Variants in PHACTR1 observed in about 807,000 individuals in gnomAD.
PHACTR1 encodes phosphatase and actin regulator 1, also known as RPEL repeat containing 1.
Under a neutral mutation model 69.2 loss-of-function variants are expected in PHACTR1, and 16 were observed. The observed-to-expected ratio is 0.23, with a 90% CI of 0.16 to 0.35. The LOEUF is 0.35. Among genes scored for constraint, PHACTR1 ranks in the 10% least tolerant of loss-of-function variants. The probability of loss-of-function intolerance (pLI) is 1.00; values close to 1 mark genes in which losing one functional copy is unlikely to be tolerated. For synonymous variants in PHACTR1, 312 were observed against 284.5 expected (o/e 1.10, Z -0.97); for missense variants, 510 against 734.7 (o/e 0.69, Z 3.54).
At chr6:13,206,342 A>G (rs1359089898) in intron 8 of PHACTR1, among the ~76,000 whole-genome samples, 1 of 152,224 alleles carries the variant, frequency 6.6e-6, no homozygotes, top group Non-Finnish European at 1.5e-5. Context: ...GAATAATCAC[A>G]TTTATCGGAA....
chr6:13,113,894 G>A (rs1817419706), intron 5 of PHACTR1, among the ~76,000 whole-genome samples: 1 of 152,172 alleles, frequency 6.6e-6, no homozygotes. Context: ...TGAAAGTATT[G>A]AGCAAGGTAA....
chr6:12,900,044 A>C (rs72837407), intron 4 of PHACTR1, among the ~76,000 whole-genome samples: 1 of 152,336 alleles, frequency 6.6e-6, no homozygotes, highest in Non-Finnish European at 1.5e-5. Context: ...CACATTGGCC[A>C]GATTTAGCAA....
At chr6:12,881,251 C>T (rs1171970085) in intron 4 of PHACTR1, among the ~76,000 whole-genome samples, 4 of 151,996 alleles carry the variant, frequency 2.6e-5, no homozygotes, top group East Asian at 1.9e-4. Flanking sequence ...AGGAAGAGGG[C>T]GATGCTGTAT....
In PHACTR1 at chr6:12,749,857, C is replaced by T. The variant is rs1023348916; in HGVS notation, c.250+67C>T. On this transcript the variant is annotated intron_variant, in intron 4 of 14. Transcript: ENST00000332995. Reference sequence around the variant, plus strand: ...TCCCTCCCTCCCCGGCTGTTGAGCCCCCGCCCCTCCCGGGCGTCCTCCCCG... The same window carrying T: ...TCCCTCCCTCCCCGGCTGTTGAGCCTCCGCCCCTCCCGGGCGTCCTCCCCG... The T allele has an allele frequency of 7.9e-6, 11 of 1,400,296 alleles. No individual in the cohort carries two copies. In the African/African-American group the frequency reaches 1.3e-4, roughly 17 times the overall value. 86.7% of individuals were successfully genotyped at this position (1,400,296 alleles called of 1,614,324 possible).
At position 12,872,680 on chromosome 6, in the gene PHACTR1, A is replaced by G. The variant is rs1284011432; in HGVS notation, c.250+122890A>G. Among the ~76,000 whole-genome samples the G allele has an allele frequency of 2.0e-5, 3 of 152,234 alleles. No homozygotes were observed. In the East Asian group the frequency reaches 5.8e-4, roughly 29 times the overall value. On this transcript the variant is annotated intron_variant, in intron 4 of 14. Coordinates refer to ENST00000332995, the MANE Select transcript of PHACTR1 (RefSeq NM_030948.6). ...TTTCAGTCCTGTAGTTTGTAGTTCA[A>G]CTTCTTTCCCCCATGACATCAAATG... is the stretch of plus-strand genomic sequence containing the variant.
chr6:12,802,117 T>A (rs1040934750), intron 4 of PHACTR1, among the ~76,000 whole-genome samples: 2 of 140,340 alleles, frequency 1.4e-5, no homozygotes, highest in Middle Eastern at 7.1e-3. Context: ...ATATAATAAA[T>A]GTACTTTATT....
Position 13,205,921 on chromosome 6 carries a change from A to G in PHACTR1, c.771A>G (p.Ser257=). The G allele has an allele frequency of 6.2e-7, 1 of 1,613,824 alleles. No homozygotes were observed. The highest frequency in any genetic ancestry group is 8.5e-7 in the Non-Finnish European group (1 of 1,179,792). The part of the protein sequence containing the change: ...ICMPVGGPDL[S]LVSYTAQKSG... Reference sequence around the variant, plus strand: ...TGCCCGTGGGGGGGCCAGACCTCTCACTGGTGTCCTACACAGCCCAGAAGA... The same window carrying G: ...TGCCCGTGGGGGGGCCAGACCTCTCGCTGGTGTCCTACACAGCCCAGAAGA... Residue 257 remains serine (S), a synonymous_variant, in exon 8 of 15, where the codon TCA becomes TCG. Transcript: ENST00000332995.
chr6:13,026,347 C>T (rs1428997586), intron 4 of PHACTR1, among the ~76,000 whole-genome samples: 1 of 152,108 alleles, frequency 6.6e-6, no homozygotes, highest in Admixed American at 6.5e-5. Flanking sequence ...CAACTGGGCT[C>T]GGACAGGTCA....
chr6:13,111,029 A>G (rs940169890), intron 5 of PHACTR1, among the ~76,000 whole-genome samples: 1 of 152,166 alleles, frequency 6.6e-6, no homozygotes, highest in African/African-American at 2.4e-5. Context: ...TTGAATGGAT[A>G]TACCACAATT....
At chr6:13,017,859 A>G (rs1158650948) in intron 4 of PHACTR1, among the ~76,000 whole-genome samples, 1 of 152,214 alleles carries the variant, frequency 6.6e-6, no homozygotes, top group Non-Finnish European at 1.5e-5. Flanking sequence ...TTAAAAAGTA[A>G]TAAAATGATG....
chr6:13,188,539 G>A (rs1150604), intron 7 of PHACTR1, among the ~76,000 whole-genome samples: 1 of 152,184 alleles, frequency 6.6e-6, no homozygotes, highest in Non-Finnish European at 1.5e-5. Flanking sequence ...GTGGCTAATG[G>A]TCTGGTAGAA....
chr6:13,167,421 G>A (rs552279646), intron 6 of PHACTR1, among the ~76,000 whole-genome samples: 8 of 152,276 alleles, frequency 5.3e-5, no homozygotes, highest in South Asian at 2.1e-4. Context: ...GATGGGGAGG[G>A]AAAAGAAGAC....
intron 5 of PHACTR1, among the ~76,000 whole-genome samples, chr6:13,059,121 T>C (rs1807271827): frequency 6.6e-6 from 1 of 152,094 alleles, no homozygotes; most frequent in South Asian, 2.1e-4. Flanking sequence ...TTTTGACATT[T>C]GGGGGCAATA....
chr6:13,027,435 G>A (rs773805340), intron 4 of PHACTR1, among the ~76,000 whole-genome samples: 5 of 152,176 alleles, frequency 3.3e-5, no homozygotes, highest in South Asian at 4.2e-4. Context: ...GCTAGTCCTC[G>A]GGTCCATGTT....
At chr6:13,217,009 T>C (rs1406044464) in intron 8 of PHACTR1, among the ~76,000 whole-genome samples, 1 of 152,190 alleles carries the variant, frequency 6.6e-6, no homozygotes, top group African/African-American at 2.4e-5. Flanking sequence ...CCTTTTCCAA[T>C]GCACAAATAT....
chr6:13,274,076 G>C (rs1462983930), intron 11 of PHACTR1: 1 of 152,246 alleles, frequency 6.6e-6, no homozygotes, highest in African/African-American at 2.4e-5. Context: ...GGTGGGTGCT[G>C]GGTTCCGCTT....
At chr6:12,846,525 G>A (rs1779277028) in intron 4 of PHACTR1, among the ~76,000 whole-genome samples, 1 of 152,154 alleles carries the variant, frequency 6.6e-6, no homozygotes. Flanking sequence ...AAGATTCAGA[G>A]CTGCAAGGCA....
chr6:12,988,713 C>G (rs1341672388), intron 4 of PHACTR1, among the ~76,000 whole-genome samples: 1 of 152,170 alleles, frequency 6.6e-6, no homozygotes, highest in Non-Finnish European at 1.5e-5. Context: ...GGGAAAAACA[C>G]TGGTTGGCCA....
chr6:12,719,777 G>A (rs915990859), intron 3 of PHACTR1, among the ~76,000 whole-genome samples: 1 of 152,174 alleles, frequency 6.6e-6, no homozygotes, highest in Non-Finnish European at 1.5e-5. Context: ...TCCTGTCTGG[G>A]CTTTCCCAAG....
Sources: allele counts gnomAD v4.1 joint callset (sites outside exome capture counted in the v4.1 genomes callset), GRCh38; gene constraint gnomAD v4.1.1; transcripts MANE v1.5; gene names NCBI Gene and HGNC (gene_info 2026-07-23, HGNC 2026-07-21).